The following SLC24A4 variants were observed in gnomAD, a reference collection of about 807,000 sequenced individuals.
SLC24A4 encodes the protein solute carrier family 24 member 4.
A neutral mutation model predicts 79.0 loss-of-function variants in SLC24A4; 53 were observed. The ratio of observed to expected loss-of-function variants is 0.67; its 90% CI spans 0.54 to 0.84. The LOEUF (loss-of-function observed/expected upper bound fraction) is 0.84, where lower values mean the gene tolerates loss of function less well. SLC24A4 is among the 40% of genes least tolerant of loss of function. The pLI is 0.00. For synonymous variants in SLC24A4, 323 were observed against 323.8 expected (o/e 1.00, Z 0.03); for missense variants, 731 against 822.0 (o/e 0.89, Z 1.35).
intron 2 of SLC24A4, among the ~76,000 whole-genome samples, chr14:92,349,667 A>G (rs1461543371): frequency 6.6e-6 from 1 of 152,244 alleles, no homozygotes; most frequent in Non-Finnish European, 1.5e-5. Flanking sequence ...AAGATATACA[A>G]GTTTCCCAAC....
intron 12 of SLC24A4, among the ~76,000 whole-genome samples, chr14:92,481,981 A>G (rs888476836): frequency 2.0e-5 from 3 of 152,174 alleles, no homozygotes; most frequent in Non-Finnish European, 4.4e-5. Context: ...TTCCCTTGGT[A>G]GGGGCCAGTG....
chr14:92,449,361 T>G, intron 10 of SLC24A4, 145 bp downstream of exon 10: 1 of 1,173,242 alleles, frequency 8.5e-7, no homozygotes. Flanking sequence ...GTCACTCTCT[T>G]ACCTTTGACC....
chr14:92,484,465 G>C, intron 13 of SLC24A4: 1 of 985,334 alleles, frequency 1.0e-6, no homozygotes, highest in African/African-American at 1.7e-5. Flanking sequence ...CCAAAAGGAA[G>C]CTCAGGACGG....
intron 13 of SLC24A4, 121 bp downstream of exon 13, chr14:92,482,967 C>G: frequency 2.1e-6 from 2 of 934,952 alleles, no homozygotes; most frequent in Non-Finnish European, 3.2e-6. Flanking sequence ...CCTCACTGAC[C>G]ACAGCGTATT....
rs1892867442 is a variant in SLC24A4, at chr14:92,447,480, C to T, written c.737+56C>T. 4.0e-6 allele frequency: 6 copies of T among 1,515,156 alleles called. No homozygotes were observed. The South Asian group carries it at 5.6e-5, about 14-fold the overall frequency. 93.9% of individuals were successfully genotyped at this position (1,515,156 alleles called of 1,614,324 possible). On this transcript the variant is annotated intron_variant, in intron 9 of 16. Transcript: ENST00000532405. The stretch of plus-strand genomic sequence containing the variant: ...CGACGCCTTGCCCCACTGCCTGCTA[C>T]AGCCTTTTGTGACAGCAGGGAGAAA...
At chr14:92,480,768 T>C (rs1190255401) in intron 12 of SLC24A4, among the ~76,000 whole-genome samples, 1 of 152,170 alleles carries the variant, frequency 6.6e-6, no homozygotes, top group Non-Finnish European at 1.5e-5. Context: ...ATTTCCCATG[T>C]ATTCGTGAAT....
At chr14:92,436,071 A>G (rs1200386369) in intron 3 of SLC24A4, among the ~76,000 whole-genome samples, 2 of 152,160 alleles carry the variant, frequency 1.3e-5, no homozygotes, top group African/African-American at 2.4e-5. Flanking sequence ...TTGTTTTTTT[A>G]AATAAAGAAA....
At chr14:92,390,653 T>C (rs536130257) in intron 2 of SLC24A4, among the ~76,000 whole-genome samples, 1 of 152,208 alleles carries the variant, frequency 6.6e-6, no homozygotes, top group Non-Finnish European at 1.5e-5. Context: ...CCACCAACCC[T>C]GTAAGCCTTC....
chr14:92,399,473 C>T (rs188861769), intron 2 of SLC24A4, among the ~76,000 whole-genome samples: 1 of 152,254 alleles, frequency 6.6e-6, no homozygotes, highest in Non-Finnish European at 1.5e-5. Context: ...AACATCATAT[C>T]ACTGTTACTT....
At chr14:92,366,412 G>A (rs1887842819) in intron 2 of SLC24A4, among the ~76,000 whole-genome samples, 1 of 152,230 alleles carries the variant, frequency 6.6e-6, no homozygotes, top group South Asian at 2.1e-4. Flanking sequence ...AGAGGGACAA[G>A]GTCACGGTAG....
chr14:92,342,314 G>C (rs879857320), intron 2 of SLC24A4, among the ~76,000 whole-genome samples: 11 of 144,710 alleles, frequency 7.6e-5, no homozygotes, highest in East Asian at 3.9e-4. Flanking sequence ...GGGGCTGTGG[G>C]GGGGGGGTCT....
intron 2 of SLC24A4, among the ~76,000 whole-genome samples, chr14:92,378,087 C>G (rs920929697): frequency 5.9e-5 from 9 of 152,134 alleles, no homozygotes; most frequent in Non-Finnish European, 1.2e-4. Context: ...GCTGCCTTCT[C>G]TTATCATGGG....
chr14:92,351,732 C>T (rs890228741), intron 2 of SLC24A4, among the ~76,000 whole-genome samples: 12 of 151,988 alleles, frequency 7.9e-5, no homozygotes, highest in Admixed American at 4.6e-4. Flanking sequence ...GGTGTGATGG[C>T]GCCCACCTGT....
chr14:92,496,377 CTT>C lies in SLC24A4; in HGVS notation c.*2751_*2752del, dbSNP rs1297687266. 1 of 152,120 alleles carries C rather than the reference CTT, an allele frequency of 6.6e-6. No homozygotes were observed. Among genetic ancestry groups the C allele is most frequent in the African/African-American group, 2.4e-5 (1 of 41,408 alleles). 9.4% of individuals were successfully genotyped at this position (152,120 alleles called of 1,614,324 possible). Reference sequence around the variant, plus strand: ...ACGCTTTCATCACTACGCAGGATTACTTTATTTTATTCCCAAAGCTCATTAGC... The same window carrying C: ...ACGCTTTCATCACTACGCAGGATTACTATTTTATTCCCAAAGCTCATTAGC... On this transcript the variant is annotated 3_prime_UTR_variant, in exon 17 of 17. Coordinates refer to ENST00000532405, the MANE Select transcript of SLC24A4 (RefSeq NM_153646.4).
chr14:92,364,543 TG>T (rs1887714950), intron 2 of SLC24A4, among the ~76,000 whole-genome samples: 1 of 152,128 alleles, frequency 6.6e-6, no homozygotes, highest in African/African-American at 2.4e-5. Flanking sequence ...GACAGGAGGA[TG>T]GTGACTGTGG....
chr14:92,405,608 T>C (rs1229389652), intron 2 of SLC24A4, among the ~76,000 whole-genome samples: 1 of 151,996 alleles, frequency 6.6e-6, no homozygotes, highest in Non-Finnish European at 1.5e-5. Context: ...CTAAGGAAAC[T>C]TACAATCATG....
intron 12 of SLC24A4, among the ~76,000 whole-genome samples, chr14:92,481,800 T>A (rs1895084774): frequency 6.6e-6 from 1 of 152,246 alleles, no homozygotes; most frequent in African/African-American, 2.4e-5. Context: ...TTGTTCTCAA[T>A]GCTTCTACAA....
chr14:92,433,345 C>T (rs140246161), intron 2 of SLC24A4, among the ~76,000 whole-genome samples: 99 of 152,298 alleles, frequency 6.5e-4, no homozygotes, highest in African/African-American at 2.4e-3. Flanking sequence ...ATACTCAAAC[C>T]CCAAGCATTT....
intron 2 of SLC24A4, among the ~76,000 whole-genome samples, chr14:92,380,195 T>A (rs1205562935): frequency 6.6e-6 from 1 of 152,138 alleles, no homozygotes; most frequent in Non-Finnish European, 1.5e-5. Context: ...CGAGAGCAGA[T>A]CCAAGGGCCA....
Sources: allele counts gnomAD v4.1 joint callset (sites outside exome capture counted in the v4.1 genomes callset), GRCh38; gene constraint gnomAD v4.1.1; transcripts MANE v1.5; gene names NCBI Gene and HGNC (gene_info 2026-07-23, HGNC 2026-07-21).